Variants in FKBP14 observed in about 807,000 individuals in gnomAD.
The protein encoded by FKBP14 is FKBP prolyl isomerase 14, also known as peptidyl-prolyl cis-trans isomerase FKBP14.
FKBP14 carries 20 observed loss-of-function variants against 21.6 expected under a neutral mutation model. The observed-to-expected ratio is 0.92, with a 90% CI of 0.65 to 1.34. FKBP14 has a LOEUF of 1.34. FKBP14 is among the 40% of genes most tolerant of loss of function. The pLI is 0.00. For synonymous variants in FKBP14, 79 were observed against 86.7 expected (o/e 0.91, Z 0.49); for missense variants, 253 against 249.0 (o/e 1.02, Z -0.11).
chr7:30,008,677 A>T (rs576811979), downstream of FKBP14, among the ~76,000 whole-genome samples: 286 of 89,914 alleles, frequency 3.2e-3, 2 homozygotes, highest in African/African-American at 0.012. Context: ...GCTGAGATTT[A>T]AAAAAAAAAA....
At position 30,012,512 on chromosome 7, in the gene FKBP14, A is replaced by G. The variant is rs976635550; in HGVS notation, c.*2223T>C. On this transcript the variant is annotated 3_prime_UTR_variant, in exon 4 of 4. Transcript: ENST00000222803. ...CTTAATAGTTTTCAACATACAGCTG[A>G]TTTTGTTGGAGAAAGGTGTTACAGT... is the stretch of plus-strand genomic sequence containing the variant. The G allele has an allele frequency of 3.9e-5, 6 of 152,226 alleles. No individual in the cohort carries two copies. The highest frequency in any genetic ancestry group is 1.2e-4 in the African/African-American group (5 of 41,464). The allele number at this position is 152,226 out of a possible 1,614,324, so 9.4% of individuals were successfully genotyped here.
At chr7:30,015,707 G>C (rs55723547) in intron 3 of FKBP14, among the ~76,000 whole-genome samples, 1 of 139,284 alleles carries the variant, frequency 7.2e-6, no homozygotes, top group Non-Finnish European at 1.5e-5. Context: ...CTCACTGCAA[G>C]CTCCGCCTCC....
rs1244771823 is a variant in FKBP14 at position 30,013,656 on chromosome 7, AG to A, written c.*1078del. 6.6e-6 allele frequency: 1 copy of A among 152,262 alleles called. No individual in the cohort carries two copies. The highest frequency in any genetic ancestry group is 1.9e-4 in the East Asian group (1 of 5,208). The allele number at this position is 152,262 out of a possible 1,614,324, so 9.4% of individuals were successfully genotyped here. A position where few individuals can be genotyped will look rare whatever the true frequency, so the allele number is the denominator to read the frequency against. ...TAATATACTATAGACTACCCATTAA[AG>A]AACCAGGAAGGATATTCCGCTAGCC... On this transcript the variant is annotated 3_prime_UTR_variant, in exon 4 of 4. Transcript: ENST00000222803.
intron 3 of FKBP14, among the ~76,000 whole-genome samples, chr7:30,016,705 T>C (rs1789894622): frequency 6.6e-6 from 1 of 152,134 alleles, no homozygotes; most frequent in Non-Finnish European, 1.5e-5. Flanking sequence ...CCATTTTCAT[T>C]TCATTCAGAT....
At chr7:30,022,529 T>G (rs1790059577) in intron 2 of FKBP14, 136 bp downstream of exon 2, 2 of 801,742 alleles carry the variant, frequency 2.5e-6, no homozygotes, top group South Asian at 4.2e-5. Context: ...CAAGACATAA[T>G]ACAGTTGCTA....
chr7:30,024,887 A>T (rs1362172006), intron 1 of FKBP14, among the ~76,000 whole-genome samples: 1 of 152,240 alleles, frequency 6.6e-6, no homozygotes, highest in Non-Finnish European at 1.5e-5. Context: ...GCTGAGTCTA[A>T]AAGAGATCAG....
rs368867118 is a variant in FKBP14 at position 30,019,131 on chromosome 7, G to A, written c.350-8C>T. 76 of 1,561,346 alleles carry A rather than the reference G, an allele frequency of 4.9e-5. No individual in the cohort carries two copies. In the African/African-American group the frequency reaches 9.8e-4, roughly 20 times the overall value. On this transcript the variant is annotated splice_polypyrimidine_tract_variant and splice_region_variant and intron_variant, in intron 2 of 3. Transcript: ENST00000222803. ...TTTCTGGGGGAATTTTACCTGACGT[G>A]AGGAAAGAAGGCAGAAAGTTTTAAA... is the stretch of plus-strand genomic sequence containing the variant.
At chr7:30,019,177 T>C (rs1334886827) in intron 2 of FKBP14, 54 bp from the exon 3 acceptor site, 9 of 1,533,792 alleles carry the variant, frequency 5.9e-6, no homozygotes, top group Non-Finnish European at 7.0e-6. Flanking sequence ...GTTTTAATAA[T>C]AGAAAATTTA....
intron 2 of FKBP14, chr7:30,020,418 A>G: frequency 2.4e-6 from 1 of 424,134 alleles, no homozygotes; most frequent in South Asian, 2.1e-5. Context: ...TGAGTTAAAT[A>G]TAGTATGAGA....
chr7:30,011,062 G>C lies in FKBP14; in HGVS notation c.*3673C>G, dbSNP rs1053344689. Reference sequence around the variant, plus strand: ...TTATAGAATTTTTTTTTTTGAGACAGAGTCTTGCTCCTCTGTCACCCAGAC... The same window carrying C: ...TTATAGAATTTTTTTTTTTGAGACACAGTCTTGCTCCTCTGTCACCCAGAC... On this transcript the variant is annotated 3_prime_UTR_variant, in exon 4 of 4. Coordinates refer to ENST00000222803, the MANE Select transcript of FKBP14 (RefSeq NM_017946.4). 1 of 151,082 alleles carries C rather than the reference G, an allele frequency of 6.6e-6. No homozygotes were observed. The highest frequency in any genetic ancestry group is 2.4e-5 in the African/African-American group (1 of 41,118). The allele number at this position is 151,082 out of a possible 1,614,324, so 9.4% of individuals were successfully genotyped here.
rs1038894566 is a variant in FKBP14 at position 30,012,098 on chromosome 7, A to C, written c.*2637T>G. 2 of 152,222 alleles carry C rather than the reference A, an allele frequency of 1.3e-5. No homozygotes were observed. Among genetic ancestry groups the C allele is most frequent in the Non-Finnish European group, 2.9e-5 (2 of 68,056 alleles). 9.4% of individuals were successfully genotyped at this position (152,222 alleles called of 1,614,324 possible). On this transcript the variant is annotated 3_prime_UTR_variant, in exon 4 of 4. Transcript: ENST00000222803. ...TGTTCCCACAACGATGAAATAACCT[A>C]ATTAGACATTTCTCAGAGTGCATCT...
downstream of FKBP14, among the ~76,000 whole-genome samples, chr7:30,009,827 TAAAAAAA>T (rs918480163): frequency 7.8e-5 from 8 of 102,380 alleles, no homozygotes; most frequent in Non-Finnish European, 1.6e-4. Flanking sequence ...CTGTCTCTAC[TAAAAAAA>T]AAAAAAAAAA....
intron 2 of FKBP14, among the ~76,000 whole-genome samples, chr7:30,019,593 C>T (rs1447474296): frequency 6.6e-6 from 1 of 152,000 alleles, no homozygotes; most frequent in Non-Finnish European, 1.5e-5. Flanking sequence ...GCATTTCTAC[C>T]CATATAATTG....
chr7:30,021,138 T>A (rs1790021852), intron 2 of FKBP14, among the ~76,000 whole-genome samples: 1 of 152,230 alleles, frequency 6.6e-6, no homozygotes, highest in African/African-American at 2.4e-5. Flanking sequence ...AAGTAATACA[T>A]GCTCATTGTA....
downstream of FKBP14, among the ~76,000 whole-genome samples, chr7:30,009,011 A>C (rs1404102275): frequency 6.6e-6 from 1 of 152,140 alleles, no homozygotes; most frequent in East Asian, 1.9e-4. Context: ...TATAATAGTA[A>C]TGCATAGTAA....
At position 30,011,593 on chromosome 7, in the gene FKBP14, T is replaced by C. The variant is rs12701003; in HGVS notation, c.*3142A>G. 2 of 124,542 alleles carry C rather than the reference T, an allele frequency of 1.6e-5. No individual in the cohort carries two copies. Among genetic ancestry groups the C allele is most frequent in the Non-Finnish European group, 1.7e-5 (1 of 59,656 alleles). 7.7% of individuals were successfully genotyped at this position (124,542 alleles called of 1,614,324 possible). On this transcript the variant is annotated 3_prime_UTR_variant, in exon 4 of 4. Transcript: ENST00000222803. ...ATATATGGTATATATATATATATAG[T>C]ATATATATATATATATATTTTTTTT...
rs1789843483 is a variant in FKBP14 at position 30,015,011 on chromosome 7, TC to T, written c.478-119del. On this transcript the variant is annotated intron_variant, in intron 3 of 3. Transcript: ENST00000222803. ...AGTTCATTAACTAAATATAATACCTTCTAAACAGCCATTTTATGACATAGTT... is the reference window on the plus strand; with the variant it reads ...AGTTCATTAACTAAATATAATACCTTTAAACAGCCATTTTATGACATAGTT... The T allele has an allele frequency of 9.8e-6, 5 of 510,366 alleles. No individual in the cohort carries two copies. The South Asian group carries it at 2.3e-4, about 23-fold the overall frequency. 31.6% of individuals were successfully genotyped at this position (510,366 alleles called of 1,614,324 possible). A position where few individuals can be genotyped will look rare whatever the true frequency, so the allele number is the denominator to read the frequency against.
chr7:30,024,381 C>A (rs1790116115), intron 1 of FKBP14, among the ~76,000 whole-genome samples: 1 of 152,206 alleles, frequency 6.6e-6, no homozygotes, highest in African/African-American at 2.4e-5. Context: ...GGCAAACGTG[C>A]TTACAAACTG....
chr7:30,017,996 AG>A (rs1321211044), intron 3 of FKBP14, among the ~76,000 whole-genome samples: 3 of 139,890 alleles, frequency 2.1e-5, no homozygotes. Flanking sequence ...ACTCCCTCTC[AG>A]GAAATAAATA....
Sources: gnomAD v4.1 joint callset for allele counts (sites outside exome capture counted in the v4.1 genomes callset) on GRCh38, gnomAD v4.1.1 for gene constraint, MANE v1.5 for transcripts, NCBI Gene and HGNC (gene_info 2026-07-23, HGNC 2026-07-21) for gene names.